The following ROBO2 variants were observed in gnomAD, a reference collection of about 807,000 sequenced individuals.
ROBO2 encodes roundabout homolog 2.
A neutral mutation model predicts 160.8 loss-of-function variants in ROBO2; 53 were observed. That is an observed-to-expected ratio of 0.33 (90% CI 0.26 to 0.41). ROBO2 has a LOEUF of 0.41. ROBO2 is among the 10% of genes least tolerant of loss of function. ROBO2 has a pLI of 1.00. For missense variants in ROBO2, 1,577 were observed against 1,722.4 expected, an observed-to-expected ratio of 0.92 and a Z score of 1.49; for synonymous variants, 664 against 611.7, an observed-to-expected ratio of 1.09 and a Z score of -1.26.
At chr3:76,369,453 T>C (rs1432674215) in intron 2 of ROBO2, among the ~76,000 whole-genome samples, 1 of 151,988 alleles carries the variant, frequency 6.6e-6, no homozygotes, top group South Asian at 2.1e-4. Context: ...TTCACACTTA[T>C]AAATAACCCC....
chr3:77,447,792 AT>A (rs1269452469), intron 2 of ROBO2, among the ~76,000 whole-genome samples: 16 of 152,254 alleles, frequency 1.1e-4, no homozygotes, highest in African/African-American at 3.9e-4. Context: ...AAGAATCCAT[AT>A]ATGTTAAACC....
chr3:77,499,849 A>G (rs1402407217), intron 5 of ROBO2, among the ~76,000 whole-genome samples: 2 of 151,956 alleles, frequency 1.3e-5, no homozygotes, highest in Non-Finnish European at 2.9e-5. Flanking sequence ...GGATTTCACC[A>G]TGTTGGCCAG....
chr3:76,853,464 G>A (rs1265542618), intron 2 of ROBO2, among the ~76,000 whole-genome samples: 1 of 152,096 alleles, frequency 6.6e-6, no homozygotes, highest in East Asian at 1.9e-4. Context: ...GTCATTATAT[G>A]CTAACATAAA....
intron 2 of ROBO2, among the ~76,000 whole-genome samples, chr3:76,490,902 A>G (rs1484968425): frequency 6.6e-6 from 1 of 152,204 alleles, no homozygotes; most frequent in East Asian, 1.9e-4. Flanking sequence ...ACTCCCCTAA[A>G]TAAAAGGCAA....
chr3:77,484,769 A>C (rs2085144887), intron 4 of ROBO2, among the ~76,000 whole-genome samples: 1 of 151,924 alleles, frequency 6.6e-6, no homozygotes, highest in South Asian at 2.1e-4. Context: ...CTTTCAAAAC[A>C]TTGGTTATAT....
chr3:75,993,512 T>C (rs924163640), intron 2 of ROBO2, among the ~76,000 whole-genome samples: 8 of 152,216 alleles, frequency 5.3e-5, no homozygotes, highest in African/African-American at 1.9e-4. Context: ...GTCTCAGGTA[T>C]GTCTTTATTA....
At chr3:77,615,280 C>T (rs2094746258) in intron 21 of ROBO2, among the ~76,000 whole-genome samples, 1 of 152,082 alleles carries the variant, frequency 6.6e-6, no homozygotes, top group Non-Finnish European at 1.5e-5. Flanking sequence ...ATAGCCTCCC[C>T]AACTATCAAG....
intron 2 of ROBO2, among the ~76,000 whole-genome samples, chr3:76,746,608 A>G (rs912607064): frequency 1.3e-5 from 2 of 151,954 alleles, no homozygotes; most frequent in African/African-American, 4.8e-5. Context: ...TTAATCCTCA[A>G]TAAAATACTG....
intron 2 of ROBO2, among the ~76,000 whole-genome samples, chr3:77,265,841 G>A (rs935650146): frequency 6.6e-6 from 1 of 152,064 alleles, no homozygotes; most frequent in African/African-American, 2.4e-5. Context: ...CAATTTAAAA[G>A]ATAATTAATT....
intron 2 of ROBO2, among the ~76,000 whole-genome samples, chr3:76,140,772 A>G (rs1371445415): frequency 1.3e-5 from 2 of 151,386 alleles, no homozygotes; most frequent in Non-Finnish European, 3.0e-5. Flanking sequence ...TTATGTTTCA[A>G]TGCTTCTAGA....
chr3:76,796,581 CAAT>C (rs2063719327), intron 2 of ROBO2, among the ~76,000 whole-genome samples: 2 of 151,658 alleles, frequency 1.3e-5, no homozygotes, highest in South Asian at 2.1e-4. Context: ...AATAAAATGA[CAAT>C]AATAAGCTAT....
At chr3:76,812,584 ACAAT>A (rs897462288) in intron 2 of ROBO2, among the ~76,000 whole-genome samples, 5 of 152,058 alleles carry the variant, frequency 3.3e-5, no homozygotes, top group Non-Finnish European at 7.4e-5. Flanking sequence ...TTTCTGGATT[ACAAT>A]CAATTATGTA....
At chr3:77,228,505 A>T (rs1260929116) in intron 2 of ROBO2, among the ~76,000 whole-genome samples, 1 of 151,756 alleles carries the variant, frequency 6.6e-6, no homozygotes, top group Non-Finnish European at 1.5e-5. Context: ...TTTCTTGTAA[A>T]TTTGTTTCAG....
intron 2 of ROBO2, among the ~76,000 whole-genome samples, chr3:76,800,420 A>G (rs2064109957): frequency 6.6e-6 from 1 of 152,194 alleles, no homozygotes; most frequent in African/African-American, 2.4e-5. Flanking sequence ...AACAATCAAC[A>G]AAGTGAAGAG....
chr3:77,297,317 C>T (rs1313487994), intron 2 of ROBO2, among the ~76,000 whole-genome samples: 1 of 152,034 alleles, frequency 6.6e-6, no homozygotes, highest in Non-Finnish European at 1.5e-5. Flanking sequence ...TAACATTTAG[C>T]CAGAGTTAAT....
At chr3:76,603,342 AAAAAAAAAAATATATAT>A (rs1414244631) in intron 2 of ROBO2, among the ~76,000 whole-genome samples, 798 of 69,252 alleles carry the variant, frequency 0.012, 38 homozygotes, top group East Asian at 0.072. Flanking sequence ...CAAAAAAAAA[AAAAAAAAAAATATATAT>A]ATATATATAT....
At chr3:77,331,615 A>T (rs1463423778) in intron 2 of ROBO2, among the ~76,000 whole-genome samples, 1 of 152,214 alleles carries the variant, frequency 6.6e-6, no homozygotes, top group Non-Finnish European at 1.5e-5. Context: ...GATTCAAAGA[A>T]TTTCAATTTT....
chr3:76,213,088 C>T (rs1703254806), intron 2 of ROBO2, among the ~76,000 whole-genome samples: 1 of 152,030 alleles, frequency 6.6e-6, no homozygotes, highest in Admixed American at 6.6e-5. Flanking sequence ...ATTTTTGGTT[C>T]TCTTTAATTC....
chr3:76,501,433 A>G (rs1433608507), intron 2 of ROBO2, among the ~76,000 whole-genome samples: 1 of 152,208 alleles, frequency 6.6e-6, no homozygotes, highest in Admixed American at 6.5e-5. Flanking sequence ...ATGGTAATAT[A>G]AATAAGTTTT....
Sources: gnomAD v4.1 joint callset for allele counts (sites outside exome capture counted in the v4.1 genomes callset) on GRCh38, gnomAD v4.1.1 for gene constraint, MANE v1.5 for transcripts, NCBI Gene and HGNC (gene_info 2026-07-23, HGNC 2026-07-21) for gene names.